Variants in CELF2 observed in about 807,000 individuals in gnomAD.
CELF2 encodes CUGBP Elav-like family member 2.
In CELF2, 8 loss-of-function variants were observed where a neutral mutation model predicts 62.6. That is an observed-to-expected ratio of 0.13 (90% CI 0.07 to 0.23). The LOEUF is 0.23. Ranked by LOEUF, CELF2 falls within the 10% of genes least tolerant of loss-of-function variation. CELF2 has a pLI of 1.00. For synonymous variants in CELF2, 258 were observed against 250.0 expected (o/e 1.03, Z -0.30); for missense variants, 333 against 671.0 (o/e 0.50, Z 5.56).
intron 2 of CELF2, chr10:10,935,522 T>TC (rs2066532912): frequency 6.6e-6 from 1 of 152,184 alleles, no homozygotes; most frequent in African/African-American, 2.4e-5. Flanking sequence ...TGGCATATCA[T>TC]CCCAAGGGTT....
chr10:10,755,423 G>T, the CELF2 span, among the ~76,000 whole-genome samples: 2 of 152,148 alleles, frequency 1.3e-5, no homozygotes, highest in South Asian at 2.1e-4. Context: ...TGCCAAACAC[G>T]GGGGAAATTC....
chr10:11,053,096 C>T (rs1241102334), intron 1 of CELF2, among the ~76,000 whole-genome samples: 1 of 152,104 alleles, frequency 6.6e-6, no homozygotes, highest in Non-Finnish European at 1.5e-5. Flanking sequence ...AAGTTGTACT[C>T]ACAGGGTAAA....
intron 12 of CELF2, among the ~76,000 whole-genome samples, chr10:11,327,111 G>A (rs1450197082): frequency 6.6e-6 from 1 of 151,110 alleles, no homozygotes; most frequent in African/African-American, 2.4e-5. Context: ...CTGTCAGTCG[G>A]GACCCATTCG....
At chr10:10,745,513 A>C in the CELF2 span, among the ~76,000 whole-genome samples, 5 of 152,146 alleles carry the variant, frequency 3.3e-5, no homozygotes, top group Admixed American at 3.3e-4. Context: ...TTCCCAACAG[A>C]GCAGCCTGTC....
At chr10:11,182,301 A>G (rs2073684320) in intron 2 of CELF2, among the ~76,000 whole-genome samples, 1 of 152,124 alleles carries the variant, frequency 6.6e-6, no homozygotes, top group Non-Finnish European at 1.5e-5. Context: ...ATCCCTCTCT[A>G]CTTTCCTAGA....
At chr10:10,984,831 C>A (rs1335052133) in intron 2 of CELF2, among the ~76,000 whole-genome samples, 1 of 151,806 alleles carries the variant, frequency 6.6e-6, no homozygotes, top group Non-Finnish European at 1.5e-5. Context: ...TCAAGTGAAG[C>A]ACATTCATAC....
At chr10:10,924,531 C>T (rs981499042) in intron 2 of CELF2, among the ~76,000 whole-genome samples, 4 of 151,826 alleles carry the variant, frequency 2.6e-5, no homozygotes, top group Admixed American at 2.0e-4. Context: ...AACACAGCAC[C>T]GAAAAGTCAG....
intron 1 of CELF2, among the ~76,000 whole-genome samples, chr10:11,149,612 G>A (rs555546684): frequency 2.1e-4 from 32 of 152,274 alleles, no homozygotes; most frequent in South Asian, 2.1e-3. Flanking sequence ...GACACATTTC[G>A]TGTTCCTCTT....
intron 2 of CELF2, chr10:10,944,177 A>T (rs1443891503): frequency 6.6e-6 from 1 of 152,654 alleles, no homozygotes; most frequent in African/African-American, 2.4e-5. Context: ...GTTGTCAGTG[A>T]CTTACATATA....
chr10:10,760,990 A>C, the CELF2 span, among the ~76,000 whole-genome samples: 1 of 152,212 alleles, frequency 6.6e-6, no homozygotes, highest in African/African-American at 2.4e-5. Flanking sequence ...ACATGGTCTA[A>C]GTGTATCTTA....
chr10:10,946,252 T>C lies in CELF2; in HGVS notation c.89+26253T>C, dbSNP rs1340854659. On this transcript the variant is annotated intron_variant, in intron 2 of 13. Transcript: ENST00000636488. Reference sequence around the variant, plus strand: ...TTATATGAGCTCCAGAAAGATGAAATTGCACATCAAGAAGGAAACAAGGCA... The same window carrying C: ...TTATATGAGCTCCAGAAAGATGAAACTGCACATCAAGAAGGAAACAAGGCA... The C allele has an allele frequency of 3.8e-4, 58 of 152,068 alleles. 1 individual carries two copies. The highest frequency in any genetic ancestry group is 3.8e-3 in the Admixed American group (58 of 15,264). 9.4% of individuals were successfully genotyped at this position (152,068 alleles called of 1,614,324 possible).
rs1340072158 is a variant in CELF2 at position 11,270,561 on chromosome 10, A to G, written c.619-105A>G. 4.0e-6 allele frequency: 4 copies of G among 993,464 alleles called. No individual in the cohort carries two copies. The highest frequency in any genetic ancestry group is 1.4e-6 in the Non-Finnish European group (1 of 723,986). The allele number at this position is 993,464 out of a possible 1,614,324, so 61.5% of individuals were successfully genotyped here. The stretch of plus-strand genomic sequence containing the variant: ...GTTTTAAACCATTTCAGCCCATTCC[A>G]TGTGCTCCAGGCTAGTGCAGAAAGG... On this transcript the variant is annotated intron_variant, in intron 6 of 12. Coordinates refer to ENST00000633077, the MANE Select transcript of CELF2 (RefSeq NM_001326342.2). This position sits in a 1 kb window ranked among gnomAD's most constrained non-coding sequence, Gnocchi z 5.8.
chr10:10,465,296 AG>A, the CELF2 span, among the ~76,000 whole-genome samples: 2 of 152,164 alleles, frequency 1.3e-5, no homozygotes, highest in Non-Finnish European at 2.9e-5. Context: ...CTTGGTCATC[AG>A]GGGAATTACA....
intron 1 of CELF2, chr10:10,919,905 T>C (rs2064726899): frequency 1.8e-6 from 2 of 1,110,170 alleles, no homozygotes; most frequent in African/African-American, 1.6e-5. Context: ...TTAAATACAT[T>C]TTCATAATTC....
At chr10:10,719,916 G>T in the CELF2 span, among the ~76,000 whole-genome samples, 1 of 152,206 alleles carries the variant, frequency 6.6e-6, no homozygotes, top group Admixed American at 6.5e-5. Flanking sequence ...GACAAAAACA[G>T]CCGTTTTCAG....
At chr10:10,891,275 C>T (rs752982262) in intron 1 of CELF2, among the ~76,000 whole-genome samples, 8 of 152,042 alleles carry the variant, frequency 5.3e-5, no homozygotes, top group Non-Finnish European at 8.8e-5. Flanking sequence ...CAAATAAGGG[C>T]GTCTGGGGAG....
At chr10:11,252,541 G>A (rs764891144) in intron 4 of CELF2, among the ~76,000 whole-genome samples, 10 of 152,300 alleles carry the variant, frequency 6.6e-5, no homozygotes, top group African/African-American at 9.6e-5. Flanking sequence ...TTCGTCCATC[G>A]AGCGATTCTG....
chr10:10,548,934 C>T, the CELF2 span, among the ~76,000 whole-genome samples: 8 of 152,140 alleles, frequency 5.3e-5, no homozygotes, highest in African/African-American at 1.9e-4. Context: ...ATTCAGTTAT[C>T]GGTACCTGTA....
intron 2 of CELF2, among the ~76,000 whole-genome samples, chr10:10,977,662 C>A (rs769077152): frequency 3.3e-5 from 5 of 152,214 alleles, no homozygotes; most frequent in African/African-American, 4.8e-5. Flanking sequence ...TTTGCAGTTT[C>A]TTTAAAGGAA....
Sources: allele counts gnomAD v4.1 joint callset (sites outside exome capture counted in the v4.1 genomes callset), GRCh38; gene constraint gnomAD v4.1.1; non-coding constraint Gnocchi (gnomAD v3.1); transcripts MANE v1.5; gene names NCBI Gene and HGNC (gene_info 2026-07-23, HGNC 2026-07-21).